IL12RB1: variants seen among roughly 807,000 people sequenced by gnomAD.
IL12RB1 encodes interleukin-12 receptor subunit beta-1.
A neutral mutation model predicts 94.4 loss-of-function variants in IL12RB1; 64 were observed. The ratio of observed to expected loss-of-function variants is 0.68; its 90% confidence interval spans 0.55 to 0.83. The LOEUF is 0.83. Among genes scored for constraint, IL12RB1 ranks in the 40% least tolerant of loss-of-function variants. The probability of loss-of-function intolerance (pLI) is 0.00; values close to 1 mark genes in which losing one functional copy is unlikely to be tolerated. For synonymous variants in IL12RB1, 362 were observed against 355.5 expected, an observed-to-expected ratio of 1.02 and a Z score of -0.21; for missense variants, 814 against 855.6, an observed-to-expected ratio of 0.95 and a Z score of 0.61.
intron 1 of IL12RB1, among the ~76,000 whole-genome samples, chr19:18,092,651 CAA>C (rs2036684459): frequency 7.2e-6 from 1 of 138,112 alleles, no homozygotes; most frequent in Non-Finnish European, 1.5e-5. Flanking sequence ...GCCTAGGAGA[CAA>C]GAGCAAAACT....
intron 11 of IL12RB1, among the ~76,000 whole-genome samples, chr19:18,067,326 G>GAAAA (rs57327846): frequency 5.7e-4 from 47 of 82,590 alleles, no homozygotes; most frequent in African/African-American, 1.2e-3. Context: ...TCTGTCTCAA[G>GAAAA]AAAAAAAAAA....
At chr19:18,081,491 T>C (rs1354988018) in intron 3 of IL12RB1, among the ~76,000 whole-genome samples, 3 of 151,704 alleles carry the variant, frequency 2.0e-5, no homozygotes, top group African/African-American at 7.3e-5. Context: ...GGGACCCCAG[T>C]ATCTCCCAGC....
chr19:18,069,440 G>A (rs909763707), intron 10 of IL12RB1, 106 bp downstream of exon 10: 94 of 1,096,252 alleles, frequency 8.6e-5, no homozygotes, highest in Non-Finnish European at 1.8e-5. Context: ...ACACCTCTCT[G>A]GGCCTTAGAC....
rs1172659250 is a variant in IL12RB1 at position 18,069,629 on chromosome 19, A to G, written c.1106T>C (p.Ile369Thr). 2 of 1,613,504 alleles carry G rather than the reference A, an allele frequency of 1.2e-6. No homozygotes were observed. Among genetic ancestry groups the G allele is most frequent in the East Asian group, 4.5e-5 (2 of 44,886 alleles). Residue 369 changes from isoleucine (I) to threonine (T), a missense_variant, in exon 10 of 17, where the codon ATT (isoleucine) becomes ACT (threonine). Coordinates refer to ENST00000593993, the MANE Select transcript of IL12RB1 (RefSeq NM_005535.3). Reference sequence around the variant, plus strand: ...GTCCTGGCCCACAGGCTGCCATTCAATGCAATACGTCATGCTCTGAGCCCG... The same window carrying G: ...GTCCTGGCCCACAGGCTGCCATTCAGTGCAATACGTCATGCTCTGAGCCCG... ...PARAQSMTYC[I>T]EWQPVGQDGG...
Position 18,062,381 on chromosome 19 carries a change from G to A in IL12RB1, c.1619-104C>T, listed in dbSNP as rs550190213. 17 of 669,130 alleles carry A rather than the reference G, an allele frequency of 2.5e-5. No homozygotes were observed. In the African/African-American group the frequency reaches 2.9e-4, roughly 11 times the overall value. The allele number at this position is 669,130 out of a possible 1,614,324, so 41.4% of individuals were successfully genotyped here. A position where few individuals can be genotyped will look rare whatever the true frequency, so the allele number is the denominator to read the frequency against. ...CTCCATGAACTTGCTGCTGATCCTG[G>A]TGCACATGCCACGGGCTTCTCACTG... On this transcript the variant is annotated intron_variant, in intron 13 of 16. Coordinates refer to ENST00000593993, the MANE Select transcript of IL12RB1 (RefSeq NM_005535.3).
upstream of IL12RB1, chr19:18,091,644 T>C (rs1599594688): frequency 6.6e-6 from 1 of 152,130 alleles, no homozygotes; most frequent in Admixed American, 6.6e-5. Context: ...AAGAACAATT[T>C]TCATCATTCA....
At position 18,086,254 on chromosome 19, in the gene IL12RB1, A is replaced by G. The variant is rs998311419; in HGVS notation, c.64+506T>C. ...TAAATAAATAAATAAATAAATAAAT[A>G]AATAAATAAATAAATAAGTAAAGTA... On this transcript the variant is annotated intron_variant, in intron 1 of 16. Transcript: ENST00000593993. 2.6e-5 allele frequency among the ~76,000 whole-genome samples: 4 copies of G among 151,438 alleles called. No homozygotes were observed. In the South Asian group the frequency reaches 6.3e-4, roughly 24 times the overall value.
At chr19:18,076,085 T>G (rs1199630265) in intron 6 of IL12RB1, among the ~76,000 whole-genome samples, 1 of 152,106 alleles carries the variant, frequency 6.6e-6, no homozygotes, top group African/African-American at 2.4e-5. Flanking sequence ...GCTGCGGCCA[T>G]CCCTTCGGTC....
At chr19:18,063,844 G>A (rs765363101) in intron 13 of IL12RB1, 32 bp downstream of exon 13, 3 of 1,602,236 alleles carry the variant, frequency 1.9e-6, no homozygotes, top group East Asian at 4.5e-5. Flanking sequence ...TGCATGCTGG[G>A]TAAATAACTG....
intron 5 of IL12RB1, 59 bp downstream of exon 5, chr19:18,077,457 G>A: frequency 7.6e-7 from 1 of 1,321,378 alleles, no homozygotes; most frequent in East Asian, 2.4e-5. Context: ...AGACTGATTT[G>A]GGGGTGAAGG....
At chr19:18,094,671 C>T (rs117542837) in intron 1 of IL12RB1, among the ~76,000 whole-genome samples, 2,984 of 152,262 alleles carry the variant, frequency 0.02, 47 homozygotes, top group Non-Finnish European at 0.031. Context: ...TGAGATCAGC[C>T]TGGGTAACAT....
chr19:18,066,759 G>C, intron 11 of IL12RB1, 62 bp from the exon 12 acceptor site: 1 of 1,381,660 alleles, frequency 7.2e-7, no homozygotes, highest in Non-Finnish European at 1.0e-6. Flanking sequence ...TGGCACAGTG[G>C]CTCGCACCTG....
In IL12RB1 at chr19:18,075,603, C is replaced by G. The variant is rs2035413930; in HGVS notation, c.700+146G>C. ...TTAGAGATGGGGTCTCACTATGTTG[C>G]CCGGGCTGGTCTCAAACCACTGGCC... On this transcript the variant is annotated intron_variant, in intron 7 of 16. Transcript: ENST00000593993. The G allele has an allele frequency of 4.0e-6, 3 of 744,918 alleles. No individual in the cohort carries two copies. In the African/African-American group the frequency reaches 5.2e-5, roughly 13 times the overall value. The allele number at this position is 744,918 out of a possible 1,614,324, so 46.1% of individuals were successfully genotyped here. A position where few individuals can be genotyped will look rare whatever the true frequency, so the allele number is the denominator to read the frequency against.
At position 18,062,235 on chromosome 19, in the gene IL12RB1, C is replaced by T. The variant is rs369861364; in HGVS notation, c.1661G>A (p.Gly554Glu). 37 of 1,613,122 alleles carry T rather than the reference C, an allele frequency of 2.3e-5. No homozygotes were observed. The highest frequency in any genetic ancestry group is 3.1e-5 in the Non-Finnish European group (36 of 1,179,534). The stretch of plus-strand genomic sequence containing the variant: ...CACGAGAAGGATGCTCAGGAAGCTC[C>T]CCAGGGAGGCGAAGAAGATGAGCCA... Reference protein sequence around the residue: ...SDWLIFFASLGSFLSILLVGV... With the variant: ...SDWLIFFASLESFLSILLVGV... The change falls in exon 14 of 17, where the codon GGG (glycine) becomes GAG (glutamate). Residue 554 changes from glycine to glutamate, a missense_variant. Coordinates refer to ENST00000593993, the MANE Select transcript of IL12RB1 (RefSeq NM_005535.3).
intron 1 of IL12RB1, 40 bp from the exon 2 acceptor site, chr19:18,083,531 G>A: frequency 1.9e-6 from 3 of 1,599,588 alleles, no homozygotes; most frequent in Non-Finnish European, 2.6e-6. Flanking sequence ...TCCTGGCCTT[G>A]CACTGTGTGG....
Position 18,060,034 on chromosome 19 carries a change from C to T in IL12RB1, c.1843G>A (p.Glu615Lys), listed in dbSNP as rs1351300101. 31 of 1,607,044 alleles carry T rather than the reference C, an allele frequency of 1.9e-5. No individual in the cohort carries two copies. Among genetic ancestry groups the T allele is most frequent in the Non-Finnish European group, 2.6e-5 (31 of 1,174,940 alleles). ...VDFQEEASLQ[E>K]ALVVEMSWDK... is the part of the protein sequence containing the mutation. ...CAGGACATCTCTACCACCAGGGCCTCCTGCAGGGATGCCTCTTCCTGGAAG... is the reference window on the plus strand; with the variant it reads ...CAGGACATCTCTACCACCAGGGCCTTCTGCAGGGATGCCTCTTCCTGGAAG... The change falls in exon 16 of 17, where the codon GAG becomes AAG. Residue 615 changes from glutamate (E) to lysine (K), a missense_variant. Physicochemically the swap from Glu to Lys is moderately conservative, Grantham distance 56. Transcript: ENST00000593993.
chr19:18,068,267 C>A, intron 11 of IL12RB1, 122 bp downstream of exon 11: 1 of 677,600 alleles, frequency 1.5e-6, no homozygotes, highest in South Asian at 2.3e-5. Context: ...CTCAGGTGAT[C>A]CACCCACCTT....
chr19:18,081,559 C>T (rs1490045108), intron 3 of IL12RB1, among the ~76,000 whole-genome samples: 1 of 151,096 alleles, frequency 6.6e-6, no homozygotes, highest in Non-Finnish European at 1.5e-5. Context: ...GTGCCTCACG[C>T]TTGTAATCCC....
intron 8 of IL12RB1, among the ~76,000 whole-genome samples, chr19:18,072,773 C>T (rs960794206): frequency 6.6e-6 from 1 of 151,826 alleles, no homozygotes; most frequent in African/African-American, 2.4e-5. Context: ...CGGTGAAACC[C>T]CGTCTCTACT....
Sources: allele counts gnomAD v4.1 joint callset (sites outside exome capture counted in the v4.1 genomes callset), GRCh38; gene constraint gnomAD v4.1.1; transcripts MANE v1.5; gene names NCBI Gene and HGNC (gene_info 2026-07-23, HGNC 2026-07-21).